PCDHA1: variants seen among roughly 807,000 people sequenced by gnomAD.
PCDHA1 encodes protocadherin alpha 1, also known as protocadherin alpha-1.
A neutral mutation model predicts 61.3 loss-of-function variants in PCDHA1; 42 were observed. The ratio of observed to expected loss-of-function variants is 0.69; its 90% CI spans 0.54 to 0.89. The LOEUF is 0.89. PCDHA1 is among the 40% of genes least tolerant of loss of function. The pLI is 0.00. For synonymous variants in PCDHA1, 610 were observed against 553.8 expected, an observed-to-expected ratio of 1.10 and a Z score of -1.43; for missense variants, 1,256 against 1,235.3, an observed-to-expected ratio of 1.02 and a Z score of -0.25.
intron 1 of PCDHA1, among the ~76,000 whole-genome samples, chr5:140,800,832 T>C (rs1347087472): frequency 1.3e-5 from 2 of 152,208 alleles, no homozygotes; most frequent in African/African-American, 4.8e-5. Flanking sequence ...ATTAGCACAA[T>C]TGATAGTGAA....
At chr5:140,873,403 G>A (rs2054270816) in intron 1 of PCDHA1, among the ~76,000 whole-genome samples, 1 of 152,046 alleles carries the variant, frequency 6.6e-6, no homozygotes, top group South Asian at 2.1e-4. Flanking sequence ...TTCAGTACAG[G>A]TTAAAATTTT....
intron 3 of PCDHA1, among the ~76,000 whole-genome samples, chr5:140,991,067 A>C (rs2097429962): frequency 6.6e-6 from 1 of 152,184 alleles, no homozygotes; most frequent in Admixed American, 6.5e-5. Flanking sequence ...TATTATTCCC[A>C]TGTTTCAGAT....
chr5:140,868,737 T>C (rs1479223301), intron 1 of PCDHA1: 1 of 203,404 alleles, frequency 4.9e-6, no homozygotes, highest in African/African-American at 2.3e-5. Context: ...AATCGAGAAA[T>C]ACAATGCCAT....
At chr5:140,886,623 C>T (rs1273600111) in intron 1 of PCDHA1, among the ~76,000 whole-genome samples, 39 of 151,848 alleles carry the variant, frequency 2.6e-4, no homozygotes, top group Admixed American at 2.4e-3. Flanking sequence ...ATCAGGAGTC[C>T]GAGACCAGCC....
At chr5:140,981,859 C>A (rs2096954450) in intron 2 of PCDHA1, among the ~76,000 whole-genome samples, 1 of 152,118 alleles carries the variant, frequency 6.6e-6, no homozygotes, top group African/African-American at 2.4e-5. Flanking sequence ...TCACTCCCAG[C>A]AATGTTTTAT....
At chr5:140,874,185 G>A (rs551629220) in intron 1 of PCDHA1, among the ~76,000 whole-genome samples, 33 of 152,158 alleles carry the variant, frequency 2.2e-4, no homozygotes, top group Non-Finnish European at 4.6e-4. Context: ...TTGTAAAGGT[G>A]TCATATTTCA....
At chr5:140,802,448 C>T (rs782040160) in intron 1 of PCDHA1, 6 of 1,614,080 alleles carry the variant, frequency 3.7e-6, no homozygotes, top group Admixed American at 3.3e-5. Context: ...ACCGCGAGAG[C>T]GTGTCGGCCT....
intron 1 of PCDHA1, chr5:140,843,801 C>T: frequency 7.6e-7 from 1 of 1,311,536 alleles, no homozygotes; most frequent in Non-Finnish European, 1.1e-6. Context: ...AGTTTTTCAC[C>T]GTATTTTATA....
intron 1 of PCDHA1, chr5:140,824,483 G>T (rs906955863): frequency 8.2e-6 from 3 of 366,610 alleles, no homozygotes; most frequent in Non-Finnish European, 1.5e-5. Context: ...TTATTTTTTA[G>T]AGACCCTTTG....
intron 1 of PCDHA1, among the ~76,000 whole-genome samples, chr5:140,937,338 C>T (rs1554211545): frequency 1.3e-5 from 2 of 151,992 alleles, no homozygotes; most frequent in Non-Finnish European, 2.9e-5. Flanking sequence ...CGCCCGGCTT[C>T]TTCCATTTAT....
chr5:140,842,743 C>T lies in PCDHA1; in HGVS notation c.2394+54059C>T, dbSNP rs140156445. On this transcript the variant is annotated intron_variant, in intron 1 of 3. Transcript: ENST00000504120. ...AGAACAACCCGCCGGGCTGCCACATCTTCACGGTGTCTGCGCGAGACGCGG... is the reference window on the plus strand; with the variant it reads ...AGAACAACCCGCCGGGCTGCCACATTTTCACGGTGTCTGCGCGAGACGCGG... The T allele has an allele frequency of 1.0e-5, 16 of 1,595,026 alleles. No homozygotes were observed. The African/African-American group carries it at 1.9e-4, about 19-fold the overall frequency.
intron 1 of PCDHA1, among the ~76,000 whole-genome samples, chr5:140,912,509 T>A (rs1473163707): frequency 6.6e-6 from 1 of 152,170 alleles, no homozygotes; most frequent in Non-Finnish European, 1.5e-5. Flanking sequence ...TTTGGATGAA[T>A]CTTTAGGGTT....
At chr5:140,804,238 G>T (rs6579988) in intron 1 of PCDHA1, 88,854 of 151,772 alleles carry the variant, frequency 0.59, 26,783 homozygotes, top group African/African-American at 0.73. Flanking sequence ...TTTCCCAGTT[G>T]GGAAAAAAAT....
Position 140,876,798 on chromosome 5 carries a change from C to G in PCDHA1, c.2394+88114C>G, listed in dbSNP as rs199586239. 1.6e-4 allele frequency: 252 copies of G among 1,614,180 alleles called. 4 individuals are homozygous for G. The East Asian group carries it at 3.4e-3, about 22-fold the overall frequency. ...CGCTGTGGGCCACGGCTAGAGTGTC[C>G]GTGGAGGTGGCCGACGTGAACGACA... On this transcript the variant is annotated intron_variant, in intron 1 of 3. Coordinates refer to ENST00000504120, the MANE Select transcript of PCDHA1 (RefSeq NM_018900.4).
intron 1 of PCDHA1, chr5:140,843,803 T>C: frequency 7.7e-7 from 1 of 1,305,734 alleles, no homozygotes. Context: ...TTTTTCACCG[T>C]ATTTTATAGT....
At chr5:140,791,735 G>T (rs1205481737) in intron 1 of PCDHA1, among the ~76,000 whole-genome samples, 1 of 152,170 alleles carries the variant, frequency 6.6e-6, no homozygotes, top group Non-Finnish European at 1.5e-5. Flanking sequence ...ATAAAAGGTA[G>T]CAGAAGAAAA....
intron 1 of PCDHA1, chr5:140,823,465 C>G (rs1554129364): frequency 1.9e-6 from 3 of 1,613,368 alleles, no homozygotes; most frequent in South Asian, 1.1e-5. Flanking sequence ...CGCGCCGGCG[C>G]TGCTGGTGCC....
At chr5:140,906,022 C>T (rs782487413) in intron 1 of PCDHA1, among the ~76,000 whole-genome samples, 9 of 152,192 alleles carry the variant, frequency 5.9e-5, no homozygotes, top group African/African-American at 1.2e-4. Context: ...AATCTCTCCA[C>T]GTTCTTCTGT....
At chr5:140,800,088 A>G (rs187224509) in intron 1 of PCDHA1, among the ~76,000 whole-genome samples, 56 of 152,298 alleles carry the variant, frequency 3.7e-4, no homozygotes, top group Admixed American at 1.2e-3. Flanking sequence ...CTAGAAATTC[A>G]TCAGGAGTGG....
Sources: allele counts gnomAD v4.1 joint callset (sites outside exome capture counted in the v4.1 genomes callset), GRCh38; gene constraint gnomAD v4.1.1; transcripts MANE v1.5; gene names NCBI Gene and HGNC (gene_info 2026-07-23, HGNC 2026-07-21).